GABRG3: variants seen among roughly 807,000 people sequenced by gnomAD.
GABRG3 encodes gamma-aminobutyric acid receptor subunit gamma-3.
A neutral mutation model predicts 48.8 loss-of-function variants in GABRG3; 25 were observed. That is an observed-to-expected ratio of 0.51 (90% confidence interval 0.37 to 0.72). The LOEUF is 0.72. Ranked by LOEUF, GABRG3 falls within the 30% of genes least tolerant of loss-of-function variation. The probability of loss-of-function intolerance (pLI) is 0.00; values close to 1 mark genes in which losing one functional copy is unlikely to be tolerated. For missense variants in GABRG3, 394 were observed against 577.9 expected, an observed-to-expected ratio of 0.68 and a Z score of 3.26; for synonymous variants, 227 against 217.6, an observed-to-expected ratio of 1.04 and a Z score of -0.38.
At chr15:27,146,413 T>C (rs1261554835) in intron 3 of GABRG3, among the ~76,000 whole-genome samples, 1 of 152,146 alleles carries the variant, frequency 6.6e-6, no homozygotes, top group Non-Finnish European at 1.5e-5. Context: ...GCTGAGATTG[T>C]GCCACTGCAC....
At chr15:27,359,541 A>T (rs1032704327) in intron 5 of GABRG3, among the ~76,000 whole-genome samples, 10 of 152,352 alleles carry the variant, frequency 6.6e-5, no homozygotes, top group African/African-American at 2.4e-4. Flanking sequence ...ATCATCCAGG[A>T]TATTATAAAT....
In GABRG3 at chr15:27,532,848, C is replaced by T. The variant is rs1280995721; in HGVS notation, c.1371C>T (p.Asn457=). The T allele has an allele frequency of 3.7e-6, 6 of 1,613,976 alleles. No individual in the cohort carries two copies. Among genetic ancestry groups the T allele is most frequent in the Non-Finnish European group, 5.1e-6 (6 of 1,179,874 alleles). ...VFFPTSFLLF[N]LVYWVGYLYL is the part of the protein sequence containing the mutation. ...TCCCCACGTCCTTCCTGCTCTTTAA[C>T]CTGGTCTACTGGGTTGGATACCTGT... is the stretch of plus-strand genomic sequence containing the variant. Residue 457 remains asparagine, a synonymous_variant, in exon 10 of 10, where the codon AAC becomes AAT. Coordinates refer to ENST00000615808, the MANE Select transcript of GABRG3 (RefSeq NM_033223.5).
At chr15:27,113,129 C>T (rs2140371717) in intron 3 of GABRG3, among the ~76,000 whole-genome samples, 1 of 152,028 alleles carries the variant, frequency 6.6e-6, no homozygotes, top group Middle Eastern at 3.4e-3. Flanking sequence ...ACTTTATCTT[C>T]CTTTCATTCT....
chr15:27,082,865 C>T (rs1897014185), intron 3 of GABRG3, among the ~76,000 whole-genome samples: 1 of 152,176 alleles, frequency 6.6e-6, no homozygotes. Context: ...GAGGGACCTG[C>T]TCCCGCTTCT....
intron 3 of GABRG3, among the ~76,000 whole-genome samples, chr15:27,070,929 G>A (rs987811644): frequency 6.6e-6 from 1 of 152,198 alleles, no homozygotes; most frequent in Admixed American, 6.5e-5. Context: ...CTTTGCAGGT[G>A]CAGACGGGAC....
intron 5 of GABRG3, among the ~76,000 whole-genome samples, chr15:27,357,380 A>G (rs1894876182): frequency 6.6e-6 from 1 of 152,248 alleles, no homozygotes. Flanking sequence ...AATACTGCAG[A>G]AATGCTCTCA....
At chr15:27,439,633 C>G (rs532401888) in intron 5 of GABRG3, among the ~76,000 whole-genome samples, 42 of 152,296 alleles carry the variant, frequency 2.8e-4, no homozygotes, top group African/African-American at 9.1e-4. Context: ...TTGCCCTAGG[C>G]CTTTGCAGTC....
intron 6 of GABRG3, among the ~76,000 whole-genome samples, chr15:27,487,209 G>T (rs773432756): frequency 2.0e-5 from 3 of 152,172 alleles, no homozygotes; most frequent in Non-Finnish European, 4.4e-5. Flanking sequence ...CTGCTCGTCT[G>T]CTAAGAAAAT....
intron 3 of GABRG3, among the ~76,000 whole-genome samples, chr15:27,082,313 A>G (rs1309319256): frequency 3.3e-5 from 5 of 152,214 alleles, no homozygotes; most frequent in Non-Finnish European, 7.3e-5. Context: ...CCTGCTTTTC[A>G]TGAAAGGAAA....
At position 27,447,466 on chromosome 15, in the gene GABRG3, A is replaced by G. The variant is rs1452387175; in HGVS notation, c.575-33184A>G. Among the ~76,000 whole-genome samples the G allele has an allele frequency of 6.6e-6, 1 of 152,176 alleles. No homozygotes were observed. The highest frequency in any genetic ancestry group is 6.5e-5 in the Admixed American group (1 of 15,268). ...AAGGTGAATAAACCTGAAGTGTCCA[A>G]GTGGGGGAGATGCCATAATTATAGT... On this transcript the variant is annotated intron_variant, in intron 5 of 9. Transcript: ENST00000615808. The surrounding 1 kb of genome is among the most constrained non-coding windows in gnomAD (Gnocchi z 4.0).
At position 27,347,466 on chromosome 15, in the gene GABRG3, C is replaced by T. The variant is rs964971244; in HGVS notation, c.574+18578C>T. On this transcript the variant is annotated intron_variant, in intron 5 of 9. Transcript: ENST00000615808. The stretch of plus-strand genomic sequence containing the variant: ...TATTTCCTAGAAGCCCTAATCCCTG[C>T]TTACTATGCCCACTCCCTTAAGTGG... Among the ~76,000 whole-genome samples the T allele has an allele frequency of 7.9e-5, 12 of 152,264 alleles. No homozygotes were observed. The South Asian group carries it at 2.5e-3, about 32-fold the overall frequency.
intron 5 of GABRG3, among the ~76,000 whole-genome samples, chr15:27,411,103 T>C (rs1460205506): frequency 6.6e-6 from 1 of 152,116 alleles, no homozygotes; most frequent in Admixed American, 6.6e-5. Flanking sequence ...ATTTACAATC[T>C]CATCATCCGT....
chr15:27,104,629 A>G (rs1897419280), intron 3 of GABRG3, among the ~76,000 whole-genome samples: 1 of 152,192 alleles, frequency 6.6e-6, no homozygotes, highest in South Asian at 2.1e-4. Flanking sequence ...TTTTGCCTGT[A>G]ACTTTTTCTT....
chr15:27,131,696 A>G (rs985215214), intron 3 of GABRG3, among the ~76,000 whole-genome samples: 3 of 151,826 alleles, frequency 2.0e-5, no homozygotes, highest in African/African-American at 7.3e-5. Context: ...ATGCAGTTCT[A>G]TTTTTATTTT....
chr15:27,308,339 TAATATAAACATACGTTTATATATAAAC>T lies in GABRG3; in HGVS notation c.271-18468_271-18442del, dbSNP rs1274974219. ...ATAAACATACGTTTATATATAAACA[TAATATAAACATACGTTTATATATAAAC>T]ATATAAACATTTGTTTATATATAAA... is the stretch of plus-strand genomic sequence containing the variant. On this transcript the variant is annotated intron_variant, in intron 3 of 9. Coordinates refer to ENST00000615808, the MANE Select transcript of GABRG3 (RefSeq NM_033223.5). 6.5e-3 allele frequency among the ~76,000 whole-genome samples: 855 copies of T among 130,888 alleles called. 62 individuals are homozygous for T. The highest frequency in any genetic ancestry group is 0.023 in the African/African-American group (800 of 35,158). 85.9% of individuals were successfully genotyped at this position (130,888 alleles called of 152,430 possible).
intron 6 of GABRG3, among the ~76,000 whole-genome samples, chr15:27,518,379 A>G (rs1566876566): frequency 6.6e-6 from 1 of 151,556 alleles, no homozygotes; most frequent in Non-Finnish European, 1.5e-5. Flanking sequence ...CAAAAAAAAA[A>G]AAATGGGACA....
intron 3 of GABRG3, among the ~76,000 whole-genome samples, chr15:27,193,587 G>A (rs1476101372): frequency 2.6e-5 from 4 of 152,178 alleles, no homozygotes; most frequent in Non-Finnish European, 4.4e-5. Context: ...GCAGTATTCG[G>A]GTGGGAGTAA....
intron 3 of GABRG3, among the ~76,000 whole-genome samples, chr15:27,137,027 C>T (rs897847884): frequency 2.0e-5 from 3 of 152,180 alleles, no homozygotes; most frequent in South Asian, 4.1e-4. Flanking sequence ...CAGCTCTCGC[C>T]GCTCCAGCCC....
chr15:27,284,150 T>G (rs1891530765), intron 3 of GABRG3, among the ~76,000 whole-genome samples: 1 of 152,174 alleles, frequency 6.6e-6, no homozygotes, highest in Non-Finnish European at 1.5e-5. Flanking sequence ...AACTGAGAAT[T>G]AAAAGTTTGT....
Sources: gnomAD v4.1 joint callset for allele counts (sites outside exome capture counted in the v4.1 genomes callset) on GRCh38, gnomAD v4.1.1 for gene constraint, Gnocchi (gnomAD v3.1) non-coding constraint, MANE v1.5 for transcripts, NCBI Gene and HGNC (gene_info 2026-07-23, HGNC 2026-07-21) for gene names.